Variants in XAF1 observed in about 807,000 individuals in gnomAD.
The protein encoded by XAF1 is XIAP-associated factor 1.
In XAF1, 32 loss-of-function variants were observed where a neutral mutation model predicts 32.3. The ratio of observed to expected loss-of-function variants is 0.99; its 90% CI spans 0.75 to 1.33. The LOEUF is 1.33. Among genes scored for constraint, XAF1 ranks in the 40% most tolerant of loss-of-function variants. The pLI, the probability that XAF1 is intolerant of heterozygous loss-of-function variation, is 0.00. For missense variants in XAF1, 379 were observed against 366.0 expected, an observed-to-expected ratio of 1.04 and a Z score of -0.29; for synonymous variants, 120 against 125.9, an observed-to-expected ratio of 0.95 and a Z score of 0.31.
At position 6,770,928 on chromosome 17, in the gene XAF1, A is replaced by G. The variant is rs1415694370; in HGVS notation, c.793A>G (p.Arg265Gly). 5 of 1,614,014 alleles carry G rather than the reference A, an allele frequency of 3.1e-6. No homozygotes were observed. Among genetic ancestry groups the G allele is most frequent in the Non-Finnish European group, 4.2e-6 (5 of 1,179,982 alleles). Residue 265 changes from arginine (R) to glycine (G), a missense_variant, in exon 6 of 7, where the codon AGG (arginine) becomes GGG (glycine). Transcript: ENST00000361842. The stretch of plus-strand genomic sequence containing the variant: ...AGATAAAGCAGCCTATGACATTCTG[A>G]GGAGATGTTCTCAGTGTGGCATCCT... The part of the protein sequence containing the change: ...RGDKAAYDIL[R>G]RCSQCGILLP...
intron 5 of XAF1, among the ~76,000 whole-genome samples, chr17:6,767,108 A>G (rs1488903799): frequency 6.6e-6 from 1 of 152,156 alleles, no homozygotes; most frequent in Admixed American, 6.6e-5. Context: ...TCTTATTACA[A>G]TTCTGATTTG....
chr17:6,759,714 ATAAGG>A lies in XAF1; in HGVS notation c.225+1_225+5del. 2 of 1,614,060 alleles carry A rather than the reference ATAAGG, an allele frequency of 1.2e-6. No individual in the cohort carries two copies. Among genetic ancestry groups the A allele is most frequent in the Non-Finnish European group, 1.7e-6 (2 of 1,180,048 alleles). ...ATGCAGAAGTCCTCGCTGGAGTTTC[ATAAGG>A]TAAGAGCCCCATGTGATTTCTCCTT... is the stretch of plus-strand genomic sequence containing the variant. On this transcript the variant is annotated splice_donor_variant and coding_sequence_variant, in exon 3 of 7. Transcript: ENST00000361842. LOFTEE classifies it high-confidence loss of function.
In XAF1 at chr17:6,773,163, C is replaced by T. The variant is rs1418154550; in HGVS notation, c.900C>T (p.Phe300=). The T allele has an allele frequency of 1.2e-6, 2 of 1,603,078 alleles. No individual in the cohort carries two copies. The highest frequency in any genetic ancestry group is 1.3e-5 in the African/African-American group (1 of 74,192). The part of the protein sequence containing the change: ...ASSKGKQVRN[F]S ...CAAAAGGAAAACAAGTGAGAAATTT[C>T]AGCTAGATTTGGAAAAGGAAAGGTA... Residue 300 remains phenylalanine (F), a synonymous_variant, in exon 7 of 7, where the codon TTC becomes TTT. Coordinates refer to ENST00000361842, the MANE Select transcript of XAF1 (RefSeq NM_017523.5).
In XAF1 at chr17:6,770,672, G is replaced by GAAACAC. The variant is rs1192649380; in HGVS notation, c.538_543dup (p.Lys180_His181dup). On this transcript the variant is annotated inframe_insertion, in exon 6 of 7. Coordinates refer to ENST00000361842, the MANE Select transcript of XAF1 (RefSeq NM_017523.5). ...AATGTTGTCCAGACTCAGAGTTTAA[G>GAAACAC]AAACACTTTCCTGTTGGAAATCCAG... is the stretch of plus-strand genomic sequence containing the variant. 6.2e-7 allele frequency: 1 copy of GAAACAC among 1,603,580 alleles called. No individual in the cohort carries two copies. The highest frequency in any genetic ancestry group is 1.7e-5 in the Admixed American group (1 of 57,274).
intron 2 of XAF1, chr17:6,759,213 G>A: frequency 9.5e-7 from 1 of 1,050,990 alleles, no homozygotes; most frequent in African/African-American, 1.7e-5. Flanking sequence ...ATGCTAATCT[G>A]AGTCTACCTC....
intron 1 of XAF1, 128 bp downstream of exon 1, chr17:6,756,238 G>T: frequency 6.5e-7 from 1 of 1,534,750 alleles, no homozygotes; most frequent in Non-Finnish European, 8.8e-7. Flanking sequence ...CAAGCAGCTG[G>T]AGACCGTGGG....
upstream of XAF1, chr17:6,755,829 C>T: frequency 7.5e-7 from 1 of 1,335,054 alleles, no homozygotes; most frequent in Non-Finnish European, 9.6e-7. Context: ...GGCTGCCAGC[C>T]TCAGGGAGGT....
intron 6 of XAF1, 180 bp downstream of exon 6, chr17:6,771,164 C>T (rs146810982): frequency 2.2e-5 from 13 of 593,460 alleles, no homozygotes; most frequent in African/African-American, 1.9e-4. Context: ...GGTTTATTTG[C>T]ATCACCTCCG....
chr17:6,757,979 G>A, intron 1 of XAF1, 110 bp from the exon 2 acceptor site: 2 of 1,462,420 alleles, frequency 1.4e-6, no homozygotes, highest in Non-Finnish European at 1.9e-6. Context: ...ATCATCACAT[G>A]TTCAGTGCTT....
Position 6,770,881 on chromosome 17 carries a change from C to T in XAF1, c.746C>T (p.Pro249Leu), listed in dbSNP as rs1022944906. 1 of 1,613,956 alleles carries T rather than the reference C, an allele frequency of 6.2e-7. No individual in the cohort carries two copies. The change falls in exon 6 of 7, where the codon CCC becomes CTC. Residue 249 changes from proline to leucine, a missense_variant. Coordinates refer to ENST00000361842, the MANE Select transcript of XAF1 (RefSeq NM_017523.5). ...LDPLLMSEPK[P>L]RTSSPRGDKA... ...CCACTTTTGATGTCAGAGCCCAAGC[C>T]CAGGACCAGCTCCCCTAGAGGAGAT...
chr17:6,770,757 A>G lies in XAF1; in HGVS notation c.622A>G (p.Lys208Glu). ...TGAAAATCAAACTTCCACGATGGAG[A>G]AAGATGTTCGTCCAAAGACAAGAAG... ...AAENQTSTME[K>E]DVRPKTRSIN... The change falls in exon 6 of 7, where the codon AAA (lysine) becomes GAA (glutamate). Residue 208 changes from lysine (K) to glutamate (E), a missense_variant. By Grantham distance (56) the Lys-to-Glu change is moderately conservative. Coordinates refer to ENST00000361842, the MANE Select transcript of XAF1 (RefSeq NM_017523.5). 1.2e-6 allele frequency: 2 copies of G among 1,614,030 alleles called. No homozygotes were observed. The highest frequency in any genetic ancestry group is 1.7e-6 in the Non-Finnish European group (2 of 1,179,998).
chr17:6,766,869 T>C (rs1388393939), intron 5 of XAF1, among the ~76,000 whole-genome samples: 1 of 152,228 alleles, frequency 6.6e-6, no homozygotes, highest in Non-Finnish European at 1.5e-5. Flanking sequence ...GATGATTAGC[T>C]GTTGGTCTGG....
chr17:6,755,950 T>G (rs3785792), upstream of XAF1: 125,767 of 1,569,290 alleles, frequency 0.08, 7,128 homozygotes, highest in African/African-American at 0.26. Flanking sequence ...CAAGGGGAAC[T>G]CCTGAGCCGA....
At position 6,758,124 on chromosome 17, in the gene XAF1, A is replaced by C; in HGVS notation, c.68A>C (p.His23Pro). Reference sequence around the variant, plus strand: ...GTAGTCTCTGCCAACTTCACCCTCCATGAGGCTTACTGCCTGCGGTTCCTG... The same window carrying C: ...GTAGTCTCTGCCAACTTCACCCTCCCTGAGGCTTACTGCCTGCGGTTCCTG... ...RHVVSANFTL[H>P]EAYCLRFLVL... The change falls in exon 2 of 7, where the codon CAT becomes CCT. Residue 23 changes from histidine (H) to proline (P), a missense_variant. Physicochemically the swap from His to Pro is moderately conservative, Grantham distance 77. Coordinates refer to ENST00000361842, the MANE Select transcript of XAF1 (RefSeq NM_017523.5). 6 of 1,614,182 alleles carry C rather than the reference A, an allele frequency of 3.7e-6. No individual in the cohort carries two copies. Among genetic ancestry groups the C allele is most frequent in the Non-Finnish European group, 5.1e-6 (6 of 1,180,026 alleles).
At position 6,773,197 on chromosome 17, in the gene XAF1, T is replaced by G; in HGVS notation, c.*28T>G. 1 of 1,582,500 alleles carries G rather than the reference T, an allele frequency of 6.3e-7. No individual in the cohort carries two copies. The highest frequency in any genetic ancestry group is 8.6e-7 in the Non-Finnish European group (1 of 1,164,964). The stretch of plus-strand genomic sequence containing the variant: ...TTGGAAAAGGAAAGGTACTACAAAT[T>G]CAAAAGATTTCACTTTTAACACTGG... On this transcript the variant is annotated 3_prime_UTR_variant, in exon 7 of 7. Coordinates refer to ENST00000361842, the MANE Select transcript of XAF1 (RefSeq NM_017523.5).
rs1567645248 is a variant in XAF1 at position 6,758,233 on chromosome 17, G to A, written c.168+9G>A. 1 of 1,613,902 alleles carries A rather than the reference G, an allele frequency of 6.2e-7. No individual in the cohort carries two copies. Among genetic ancestry groups the A allele is most frequent in the Admixed American group, 1.7e-5 (1 of 59,994 alleles). On this transcript the variant is annotated intron_variant, in intron 2 of 6. Transcript: ENST00000361842. ...AGCTTGAGCACCAGCAGGTGAGGAG[G>A]CGGCAGGGAGGATGGGGTCTGAGAG...
chr17:6,759,391 A>G lies in XAF1; in HGVS notation c.169-271A>G, dbSNP rs1464409411. On this transcript the variant is annotated intron_variant, in intron 2 of 6. Coordinates refer to ENST00000361842, the MANE Select transcript of XAF1 (RefSeq NM_017523.5). ...ATGGAGCCCTGTTTCCCGCCTTTCC[A>G]TGTCCATTCCTCCTGGGGCCCCTGA... The G allele has an allele frequency of 2.8e-5, 38 of 1,370,636 alleles. No individual in the cohort carries two copies. The Admixed American group carries it at 1.1e-3, about 40-fold the overall frequency. The allele number at this position is 1,370,636 out of a possible 1,614,324, so 84.9% of individuals were successfully genotyped here.
At chr17:6,759,464 G>A in intron 2 of XAF1, 198 bp from the exon 3 acceptor site, 1 of 1,424,272 alleles carries the variant, frequency 7.0e-7, no homozygotes, top group Non-Finnish European at 9.2e-7. Context: ...TGCCAACTCA[G>A]ACTGGTCTGA....
chr17:6,764,367 C>A (rs1975434873), intron 5 of XAF1, among the ~76,000 whole-genome samples: 1 of 152,194 alleles, frequency 6.6e-6, no homozygotes, highest in South Asian at 2.1e-4. Flanking sequence ...TTTTTGCCTA[C>A]ACAAGGTCAC....
Sources: gnomAD v4.1 joint callset for allele counts (sites outside exome capture counted in the v4.1 genomes callset) on GRCh38, gnomAD v4.1.1 for gene constraint, MANE v1.5 for transcripts, NCBI Gene and HGNC (gene_info 2026-07-23, HGNC 2026-07-21) for gene names.